The following PHTF1 variants were observed in gnomAD, a reference collection of about 807,000 sequenced individuals.
PHTF1 encodes the protein putative homeodomain transcription factor 1, also known as protein PHTF1.
PHTF1 carries 88 observed loss-of-function variants against 102.4 expected under a neutral mutation model. That is an observed-to-expected ratio of 0.86 (90% CI 0.72 to 1.03). The LOEUF (loss-of-function observed/expected upper bound fraction) is 1.03. Among genes scored for constraint, PHTF1 ranks in the 50% least tolerant of loss-of-function variants. PHTF1 has a pLI of 0.00. For missense variants in PHTF1, 814 were observed against 909.5 expected (o/e 0.89, Z 1.35); for synonymous variants, 289 against 305.2 (o/e 0.95, Z 0.55).
At chr1:113,751,598 T>A (rs1658088551) in intron 3 of PHTF1, among the ~76,000 whole-genome samples, 1 of 152,252 alleles carries the variant, frequency 6.6e-6, no homozygotes, top group Admixed American at 6.5e-5. Context: ...TACCAATTGA[T>A]TCACCAGTTG....
In PHTF1 at chr1:113,699,754, G is replaced by A. The variant is rs1317051583; in HGVS notation, c.2092C>T (p.Gln698Ter). The A allele has an allele frequency of 6.8e-7, 1 of 1,465,868 alleles. No individual in the cohort carries two copies. Among genetic ancestry groups the A allele is most frequent in the Non-Finnish European group, 9.4e-7 (1 of 1,059,358 alleles). The allele number at this position is 1,465,868 out of a possible 1,614,324, so 90.8% of individuals were successfully genotyped here. A position where few individuals can be genotyped will look rare whatever the true frequency, so the allele number is the denominator to read the frequency against. Reference protein sequence around the residue: ...KMEKKPNKKEQLTLVNNVLKL... With the variant: ...KMEKKPNKKE ...AATACATTGTTTACTAGAGTAAGCT[G>A]TTCTTTCTTATTTGGCTTTTTTTCC... Residue 698 changes from glutamine (Q) to a stop codon, truncating the protein, a stop_gained, in exon 17 of 19, where the codon CAG becomes TAG. Transcript: ENST00000369604. LOFTEE classifies it high-confidence loss of function.
chr1:113,747,222 CATAA>C (rs1557969094), intron 3 of PHTF1, among the ~76,000 whole-genome samples: 2 of 152,204 alleles, frequency 1.3e-5, no homozygotes, highest in African/African-American at 4.8e-5. Context: ...GTTATAATTA[CATAA>C]ATATTGTTCA....
In PHTF1 at chr1:113,759,120, G is replaced by T. The variant is rs1659330642; in HGVS notation, c.-128C>A. 3 of 981,772 alleles carry T rather than the reference G, an allele frequency of 3.1e-6. No individual in the cohort carries two copies. The highest frequency in any genetic ancestry group is 1.7e-5 in the African/African-American group (1 of 57,238). 60.8% of individuals were successfully genotyped at this position (981,772 alleles called of 1,614,324 possible). A position where few individuals can be genotyped will look rare whatever the true frequency, so the allele number is the denominator to read the frequency against. ...GGGGGCGAGGCGGCGGGCCAGGCAG[G>T]CCGCATCTTCCCCTCCAGGCGGAGA... On this transcript the variant is annotated 5_prime_UTR_variant, in exon 1 of 19. Transcript: ENST00000369604.
rs1019487682 is a variant in PHTF1, at chr1:113,750,606, C to T, written c.102+7093G>A. Among the ~76,000 whole-genome samples, 57 of 152,148 alleles carry T rather than the reference C, an allele frequency of 3.7e-4. No homozygotes were observed. The Middle Eastern group carries it at 0.01, about 27-fold the overall frequency. ...AGGCGTGGTGGCTCACGCCTGTAAT[C>T]CCAGCACTTTGGGAGGCCAAGGCAG... On this transcript the variant is annotated intron_variant, in intron 3 of 18. Transcript: ENST00000369604.
In PHTF1 at chr1:113,711,837, T is replaced by C; in HGVS notation, c.958-2A>G. On this transcript the variant is annotated splice_acceptor_variant, in intron 9 of 18. Transcript: ENST00000369604. LOFTEE classifies it high-confidence loss of function. ...CCACCTTGTAGTGGTTTTCTTTACC[T>C]GCCAAAAATCAAACCAACAAGCAAT... 6.2e-7 allele frequency: 1 copy of C among 1,613,004 alleles called. No individual in the cohort carries two copies. Among genetic ancestry groups the C allele is most frequent in the Non-Finnish European group, 8.5e-7 (1 of 1,179,070 alleles).
intron 5 of PHTF1, among the ~76,000 whole-genome samples, chr1:113,736,567 A>C (rs1655532642): frequency 6.6e-6 from 1 of 151,888 alleles, no homozygotes; most frequent in Non-Finnish European, 1.5e-5. Context: ...CAACATGGTG[A>C]AACCCCATGT....
rs1384385352 is a variant in PHTF1, at chr1:113,715,980, A to G, written c.624-2542T>C. ...CCTAAAAGATCTGGAAAATAGCCTCAAAACAGCAAATCTAAGAGTTACTGA... is the reference window on the plus strand; with the variant it reads ...CCTAAAAGATCTGGAAAATAGCCTCGAAACAGCAAATCTAAGAGTTACTGA... On this transcript the variant is annotated intron_variant, in intron 7 of 18. Transcript: ENST00000369604. Among the ~76,000 whole-genome samples the G allele has an allele frequency of 4.6e-5, 7 of 152,126 alleles. 1 individual carries two copies. Among genetic ancestry groups the G allele is most frequent in the Non-Finnish European group, 8.8e-5 (6 of 68,030 alleles).
chr1:113,732,758 T>C (rs368291666), intron 5 of PHTF1, among the ~76,000 whole-genome samples: 13 of 152,180 alleles, frequency 8.5e-5, no homozygotes, highest in African/African-American at 3.1e-4. Context: ...GCAGTATCTA[T>C]CAACAAGGAA....
Position 113,713,260 on chromosome 1 carries a change from A to T in PHTF1, c.783+19T>A. 1.2e-6 allele frequency: 2 copies of T among 1,608,400 alleles called. No individual in the cohort carries two copies. Among genetic ancestry groups the T allele is most frequent in the Non-Finnish European group, 1.7e-6 (2 of 1,175,976 alleles). ...TACATGGGGAAAAAAACCCCTTGTT[A>T]AATCCATCTAAATCTTACCCTACGG... On this transcript the variant is annotated intron_variant, in intron 8 of 18. Coordinates refer to ENST00000369604, the MANE Select transcript of PHTF1 (RefSeq NM_001323043.2).
intron 2 of PHTF1, among the ~76,000 whole-genome samples, chr1:113,758,326 T>G (rs1042170509): frequency 6.6e-6 from 1 of 151,616 alleles, no homozygotes; most frequent in African/African-American, 2.4e-5. Flanking sequence ...CTCAATAAGA[T>G]TGTTGATAGT....
At position 113,712,009 on chromosome 1, in the gene PHTF1, C is replaced by G. The variant is rs1282559248; in HGVS notation, c.888G>C (p.Gly296=). The G allele has an allele frequency of 1.9e-6, 3 of 1,613,816 alleles. No homozygotes were observed. Among genetic ancestry groups the G allele is most frequent in the Non-Finnish European group, 2.5e-6 (3 of 1,179,840 alleles). Residue 296 remains glycine, a synonymous_variant, in exon 9 of 19, where the codon GGG becomes GGC. Coordinates refer to ENST00000369604, the MANE Select transcript of PHTF1 (RefSeq NM_001323043.2). ...CTTCACAACCATTGTCACTTGAGGC[C>G]CCTTCCACACTCCTACGCAATAATA... ...QMILLRRSVE[G]ASSDNGCEVK...
intron 7 of PHTF1, among the ~76,000 whole-genome samples, chr1:113,722,622 C>T (rs4423005): frequency 0.75 from 113,301 of 151,662 alleles, 42,926 homozygotes; most frequent in African/African-American, 0.83. Flanking sequence ...CTAAAATTTA[C>T]ATGGAATTGG....
intron 7 of PHTF1, among the ~76,000 whole-genome samples, chr1:113,719,917 G>A (rs898222040): frequency 4.6e-5 from 7 of 152,168 alleles, no homozygotes; most frequent in African/African-American, 1.4e-4. Context: ...ACAGCAGGAG[G>A]TGAAAGGCAC....
At chr1:113,704,597 T>A in intron 14 of PHTF1, 69 bp downstream of exon 14, 1 of 1,154,188 alleles carries the variant, frequency 8.7e-7, no homozygotes, top group Non-Finnish European at 1.2e-6. Context: ...GTCTACTGAG[T>A]AACTGCTGCC....
intron 3 of PHTF1, among the ~76,000 whole-genome samples, chr1:113,756,949 C>A (rs1175367132): frequency 6.6e-6 from 1 of 152,142 alleles, no homozygotes; most frequent in East Asian, 1.9e-4. Flanking sequence ...GAGCAGATCA[C>A]AAGGTCAGGA....
At chr1:113,734,865 T>C (rs918838386) in intron 5 of PHTF1, among the ~76,000 whole-genome samples, 2 of 152,168 alleles carry the variant, frequency 1.3e-5, no homozygotes, top group South Asian at 2.1e-4. Context: ...GCAAGAAGAC[T>C]GACACCTATG....
rs375868549 is a variant in PHTF1 at position 113,700,775 on chromosome 1, T to G, written c.2046+19A>C. The G allele has an allele frequency of 5.0e-6, 8 of 1,611,244 alleles. No individual in the cohort carries two copies. Among genetic ancestry groups the G allele is most frequent in the Non-Finnish European group, 5.9e-6 (7 of 1,178,064 alleles). ...GCTACCCCTAACCACTAAACCCAAT[T>G]GACAGGACTGATCAATACCTGTTCT... On this transcript the variant is annotated intron_variant, in intron 16 of 18. Transcript: ENST00000369604.
intron 6 of PHTF1, 101 bp from the exon 7 acceptor site, chr1:113,724,994 A>C: frequency 1.3e-6 from 1 of 780,850 alleles, no homozygotes; most frequent in Non-Finnish European, 2.0e-6. Context: ...TACTACCTTA[A>C]ATCAAGTATA....
intron 7 of PHTF1, among the ~76,000 whole-genome samples, chr1:113,716,923 C>T (rs1037397522): frequency 3.9e-5 from 6 of 152,028 alleles, no homozygotes; most frequent in African/African-American, 1.5e-4. Flanking sequence ...AATATTATAA[C>T]CCTGTAATTG....
Sources: gnomAD v4.1 joint callset for allele counts (sites outside exome capture counted in the v4.1 genomes callset) on GRCh38, gnomAD v4.1.1 for gene constraint, MANE v1.5 for transcripts, NCBI Gene and HGNC (gene_info 2026-07-23, HGNC 2026-07-21) for gene names.